The following STPG2 variants were observed in gnomAD, a reference collection of about 807,000 sequenced individuals.
STPG2 encodes sperm tail PG-rich repeat containing 2.
In STPG2, 56 loss-of-function variants were observed where a neutral mutation model predicts 54.2. The observed-to-expected ratio is 1.03, with a 90% confidence interval of 0.83 to 1.29. STPG2 has a LOEUF of 1.29. Among genes scored for constraint, STPG2 ranks in the 50% most tolerant of loss-of-function variants. STPG2 has a pLI of 0.00. For synonymous variants in STPG2, 200 were observed against 181.8 expected, an observed-to-expected ratio of 1.10 and a Z score of -0.81; for missense variants, 596 against 544.9, an observed-to-expected ratio of 1.09 and a Z score of -0.93.
At chr4:97,826,290 G>A (rs947934321) in intron 9 of STPG2, among the ~76,000 whole-genome samples, 1 of 152,136 alleles carries the variant, frequency 6.6e-6, no homozygotes, top group Non-Finnish European at 1.5e-5. Flanking sequence ...AGAAGACATG[G>A]GAATGTGAAT....
chr4:98,031,011 C>A (rs1174345279), intron 5 of STPG2, among the ~76,000 whole-genome samples: 1 of 152,112 alleles, frequency 6.6e-6, no homozygotes, highest in Non-Finnish European at 1.5e-5. Flanking sequence ...TCAAACTATA[C>A]TTTAAGGCCA....
chr4:97,832,076 T>C (rs1281664954), intron 9 of STPG2, among the ~76,000 whole-genome samples: 3 of 151,964 alleles, frequency 2.0e-5, no homozygotes, highest in Non-Finnish European at 4.4e-5. Context: ...AAACAGAAAA[T>C]TTCAGGCCAA....
intron 4 of STPG2, among the ~76,000 whole-genome samples, chr4:97,489,123 G>C (rs1730442346): frequency 6.6e-6 from 1 of 151,584 alleles, no homozygotes; most frequent in African/African-American, 2.4e-5. Context: ...CCCTGCACGA[G>C]CTCTCTCTCT....
rs1730940455 is a variant in STPG2 at position 97,510,061 on chromosome 4, T to C, written c.462+202638A>G. On this transcript the variant is annotated intron_variant, in intron 4 of 4. Transcript: ENST00000522676. ...GGCTATAGAGTTTCTAGAGCCGGTA[T>C]CCCCAGGATTATGTCTGTGATATGT... Among the ~76,000 whole-genome samples the C allele has an allele frequency of 2.0e-5, 3 of 152,096 alleles. No individual in the cohort carries two copies. In the East Asian group the frequency reaches 5.9e-4, roughly 30 times the overall value.
chr4:98,137,387 CA>C (rs1206629099), intron 1 of STPG2, among the ~76,000 whole-genome samples: 1 of 151,630 alleles, frequency 6.6e-6, no homozygotes, highest in Non-Finnish European at 1.5e-5. Flanking sequence ...TAAAAAAGGC[CA>C]AAAAGAAAAT....
intron 7 of STPG2, among the ~76,000 whole-genome samples, chr4:97,944,942 TCA>T (rs1273962150): frequency 1.3e-5 from 2 of 152,220 alleles, no homozygotes; most frequent in African/African-American, 2.4e-5. Context: ...AATAGAACAA[TCA>T]CAGTCACATC....
chr4:97,451,337 T>A (rs1729358753), intron 4 of STPG2, among the ~76,000 whole-genome samples: 1 of 151,698 alleles, frequency 6.6e-6, no homozygotes, highest in African/African-American at 2.4e-5. Context: ...TTAGTTGAGG[T>A]AAATTAAAGT....
intron 5 of STPG2, chr4:98,025,457 A>C: frequency 2.1e-6 from 1 of 481,012 alleles, no homozygotes; most frequent in Non-Finnish European, 4.0e-6. Context: ...AAGACGAGGA[A>C]AGGGTAAAAC....
chr4:97,739,688 C>A (rs1317236497), intron 9 of STPG2, among the ~76,000 whole-genome samples: 1 of 152,152 alleles, frequency 6.6e-6, no homozygotes, highest in Non-Finnish European at 1.5e-5. Context: ...TCTGAATAGA[C>A]CAATAACAGG....
In STPG2 at chr4:97,895,533, C is replaced by T. The variant is rs140573538; in HGVS notation, c.1044+48364G>A. Among the ~76,000 whole-genome samples the T allele has an allele frequency of 2.2e-3, 338 of 151,858 alleles. 1 individual carries two copies. Among genetic ancestry groups the T allele is most frequent in the African/African-American group, 8.0e-3 (330 of 41,504 alleles). ...GTACTTATCTCATAGCAATGGTTTG[C>T]ATGATTCCCTTTTTTTTCCAATTTT... On this transcript the variant is annotated intron_variant, in intron 8 of 10. Transcript: ENST00000295268.
At chr4:98,092,194 T>A (rs1257062825) in intron 5 of STPG2, among the ~76,000 whole-genome samples, 2 of 152,110 alleles carry the variant, frequency 1.3e-5, no homozygotes, top group African/African-American at 4.8e-5. Context: ...CCATTTATCT[T>A]TTAATAATTC....
rs184784536 is a variant in STPG2, at chr4:97,500,221, G to C, written c.462+212478C>G. Among the ~76,000 whole-genome samples the C allele has an allele frequency of 2.0e-5, 3 of 152,140 alleles. No homozygotes were observed. In the East Asian group the frequency reaches 5.8e-4, roughly 30 times the overall value. ...GAAAGTAGAGCAAATAGGATTTTCTGACTGATTAGATGAGGGTGTAAAAGA... is the reference window on the plus strand; with the variant it reads ...GAAAGTAGAGCAAATAGGATTTTCTCACTGATTAGATGAGGGTGTAAAAGA... On this transcript the variant is annotated intron_variant, in intron 4 of 4. Coordinates refer to the STPG2 transcript ENST00000522676.
intron 8 of STPG2, among the ~76,000 whole-genome samples, chr4:97,922,365 T>C (rs1304561462): frequency 1.3e-5 from 2 of 152,110 alleles, no homozygotes; most frequent in Non-Finnish European, 2.9e-5. Flanking sequence ...AAATTTAAAA[T>C]GTATAATTCA....
At chr4:98,100,311 A>G (rs916863144) in intron 5 of STPG2, among the ~76,000 whole-genome samples, 4 of 152,180 alleles carry the variant, frequency 2.6e-5, no homozygotes, top group African/African-American at 9.6e-5. Context: ...TCTAAGAACT[A>G]TGGTTTAATT....
At chr4:97,498,197 A>T (rs923145603) in intron 4 of STPG2, among the ~76,000 whole-genome samples, 2 of 151,982 alleles carry the variant, frequency 1.3e-5, no homozygotes, top group African/African-American at 4.8e-5. Flanking sequence ...CTCTCATATA[A>T]TGACTCAGTT....
chr4:97,824,147 G>C (rs1412216448), intron 9 of STPG2, among the ~76,000 whole-genome samples: 1 of 152,058 alleles, frequency 6.6e-6, no homozygotes, highest in Admixed American at 6.6e-5. Context: ...AGTTGACGGG[G>C]CTGCTGGGAA....
chr4:98,109,320 G>T lies in STPG2; in HGVS notation c.388-15C>A, dbSNP rs761371175. 6.4e-7 allele frequency: 1 copy of T among 1,554,776 alleles called. No individual in the cohort carries two copies. The highest frequency in any genetic ancestry group is 8.8e-7 in the Non-Finnish European group (1 of 1,136,706). On this transcript the variant is annotated splice_polypyrimidine_tract_variant and intron_variant, in intron 3 of 10. Coordinates refer to ENST00000295268, the MANE Select transcript of STPG2 (RefSeq NM_174952.3). The stretch of plus-strand genomic sequence containing the variant: ...TTGGAAACATCCTAAAAAATAAAAA[G>T]TTTTAAAAAGTGAGGATGAAACATA...
At chr4:97,642,807 TTTATATG>T (rs1285402883) in intron 10 of STPG2, among the ~76,000 whole-genome samples, 1 of 151,366 alleles carries the variant, frequency 6.6e-6, no homozygotes, top group South Asian at 2.1e-4. Flanking sequence ...TTCTTACACG[TTTATATG>T]TTAGACTGCA....
At chr4:97,456,926 A>T (rs1000167471) in intron 4 of STPG2, among the ~76,000 whole-genome samples, 1 of 150,804 alleles carries the variant, frequency 6.6e-6, no homozygotes, top group Non-Finnish European at 1.5e-5. Context: ...AAAAAAAAAA[A>T]GATGGGTAAA....
Sources: allele counts gnomAD v4.1 joint callset (sites outside exome capture counted in the v4.1 genomes callset), GRCh38; gene constraint gnomAD v4.1.1; transcripts MANE v1.5; gene names NCBI Gene and HGNC (gene_info 2026-07-23, HGNC 2026-07-21).